PLEKHG7: variants seen among roughly 807,000 people sequenced by gnomAD.
PLEKHG7 encodes the protein pleckstrin homology and RhoGEF domain containing G7.
A neutral mutation model predicts 85.2 loss-of-function variants in PLEKHG7; 77 were observed. The observed-to-expected ratio is 0.90, with a 90% CI of 0.75 to 1.09. The LOEUF is 1.09. Ranked by LOEUF, PLEKHG7 falls within the 50% of genes least tolerant of loss-of-function variation. The probability of loss-of-function intolerance (pLI) is 0.00; values close to 1 mark genes in which losing one functional copy is unlikely to be tolerated. For missense variants in PLEKHG7, 777 were observed against 804.3 expected (o/e 0.97, Z 0.41); for synonymous variants, 301 against 302.4 (o/e 1.00, Z 0.05).
intron 5 of PLEKHG7, among the ~76,000 whole-genome samples, chr12:92,736,003 T>G (rs1342480231): frequency 6.6e-6 from 1 of 152,198 alleles, no homozygotes; most frequent in Non-Finnish European, 1.5e-5. Flanking sequence ...TCTGGTATTC[T>G]GTAGCAGAGA....
chr12:92,742,674 C>T (rs1383977980), intron 9 of PLEKHG7, among the ~76,000 whole-genome samples: 1 of 151,630 alleles, frequency 6.6e-6, no homozygotes, highest in Non-Finnish European at 1.5e-5. Flanking sequence ...CAACCTCCAC[C>T]TCCCAGGTTC....
chr12:92,769,884 C>T (rs1873351323), intron 16 of PLEKHG7, among the ~76,000 whole-genome samples: 3 of 152,096 alleles, frequency 2.0e-5, no homozygotes, highest in Non-Finnish European at 4.4e-5. Flanking sequence ...ACTCATTTAG[C>T]CCATCTGCAT....
At chr12:92,749,138 G>A (rs1872616965) in intron 10 of PLEKHG7, among the ~76,000 whole-genome samples, 1 of 152,104 alleles carries the variant, frequency 6.6e-6, no homozygotes, top group African/African-American at 2.4e-5. Flanking sequence ...CATGTTATGG[G>A]CTGCCTGAAA....
chr12:92,738,146 T>A (rs1872233789), intron 7 of PLEKHG7, among the ~76,000 whole-genome samples: 2 of 152,144 alleles, frequency 1.3e-5, no homozygotes, highest in African/African-American at 4.8e-5. Context: ...CACATGCAAT[T>A]TAGTACTGTT....
intron 3 of PLEKHG7, among the ~76,000 whole-genome samples, chr12:92,719,443 A>G (rs1871576098): frequency 6.6e-6 from 1 of 152,192 alleles, no homozygotes; most frequent in Non-Finnish European, 1.5e-5. Context: ...AAAAGACTAC[A>G]TTTACCATGA....
At chr12:92,750,547 C>T (rs2136616782) in intron 10 of PLEKHG7, among the ~76,000 whole-genome samples, 1 of 152,332 alleles carries the variant, frequency 6.6e-6, no homozygotes, top group South Asian at 2.1e-4. Context: ...CTGTTCCCCA[C>T]AGCAGGGCAA....
At position 92,764,095 on chromosome 12, in the gene PLEKHG7, C is replaced by A. The variant is rs75183020; in HGVS notation, c.1771C>A (p.Gln591Lys). 197 of 1,612,968 alleles carry A rather than the reference C, an allele frequency of 1.2e-4. 2 individuals carry two copies. The African/African-American group carries it at 2.3e-3, about 19-fold the overall frequency. The change falls in exon 15 of 17, where the codon CAA becomes AAA. Residue 591 changes from glutamine (Q) to lysine (K), a missense_variant. Around this residue, in one of 3 missense-constraint regions of PLEKHG7, gnomAD observed 520 missense variants for 544.0 expected, o/e 0.96. Coordinates refer to ENST00000344636, the MANE Select transcript of PLEKHG7 (RefSeq NM_001377329.1). ...GTGTCCTTCTCTTACTCCTGAGTTGCAAGCAGTAATAAAAGAGGGTGGTTC... is the reference window on the plus strand; with the variant it reads ...GTGTCCTTCTCTTACTCCTGAGTTGAAAGCAGTAATAAAAGAGGGTGGTTC... ...LMCPSLTPEL[Q>K]AVIKEGGSCT...
At chr12:92,725,705 G>T (rs528991105) in intron 3 of PLEKHG7, among the ~76,000 whole-genome samples, 1 of 152,012 alleles carries the variant, frequency 6.6e-6, no homozygotes, top group African/African-American at 2.4e-5. Flanking sequence ...AAAAATTATG[G>T]GATATAAGTT....
At chr12:92,717,814 G>A (rs1281555667) in intron 3 of PLEKHG7, among the ~76,000 whole-genome samples, 1 of 152,194 alleles carries the variant, frequency 6.6e-6, no homozygotes, top group African/African-American at 2.4e-5. Flanking sequence ...AAAATTGCCT[G>A]AGGATGCATT....
chr12:92,726,717 G>A (rs929657933), intron 3 of PLEKHG7, among the ~76,000 whole-genome samples: 1 of 152,084 alleles, frequency 6.6e-6, no homozygotes, highest in African/African-American at 2.4e-5. Flanking sequence ...TTTATTTTGT[G>A]AACATCCTAC....
intron 13 of PLEKHG7, among the ~76,000 whole-genome samples, chr12:92,757,064 C>T (rs1426619353): frequency 1.3e-5 from 2 of 152,172 alleles, no homozygotes; most frequent in African/African-American, 4.8e-5. Flanking sequence ...GCAGAAGCCC[C>T]TGGAGAAACT....
Position 92,769,026 on chromosome 12 carries a change from A to G in PLEKHG7, c.1914A>G (p.Arg638=), listed in dbSNP as rs147060979. The change falls in exon 16 of 17, where the codon AGA becomes AGG. Residue 638 remains arginine, a synonymous_variant. Transcript: ENST00000344636. ...CTTTTCTTATACAACACGAAAACAG[A>G]TATCGACAGTGTATAGCAGCATTCT... The part of the protein sequence containing the change: ...RNAFLIQHEN[R]YRQCIAAFLL... 83 of 1,605,130 alleles carry G rather than the reference A, an allele frequency of 5.2e-5. No homozygotes were observed. The highest frequency in any genetic ancestry group is 6.6e-5 in the Non-Finnish European group (78 of 1,173,470).
intron 5 of PLEKHG7, among the ~76,000 whole-genome samples, chr12:92,732,996 T>G (rs1377849596): frequency 2.6e-5 from 4 of 152,218 alleles, no homozygotes; most frequent in Non-Finnish European, 5.9e-5. Context: ...CCTTATGGAC[T>G]GTTACTATGC....
At chr12:92,721,343 G>A (rs1230935245) in intron 3 of PLEKHG7, 4 of 701,172 alleles carry the variant, frequency 5.7e-6, no homozygotes, top group Non-Finnish European at 7.9e-6. Context: ...CAGTGGGGTT[G>A]GGGGGGAATT....
chr12:92,708,931 T>C (rs534983233), intron 3 of PLEKHG7, among the ~76,000 whole-genome samples: 3 of 152,276 alleles, frequency 2.0e-5, no homozygotes, highest in African/African-American at 7.2e-5. Flanking sequence ...AAATCTTCCA[T>C]ACATGTGAAA....
At chr12:92,738,513 G>T (rs1469303269) in intron 7 of PLEKHG7, among the ~76,000 whole-genome samples, 1 of 152,204 alleles carries the variant, frequency 6.6e-6, no homozygotes, top group East Asian at 1.9e-4. Flanking sequence ...CTGCAGAGGT[G>T]CAGACAGTAA....
chr12:92,761,100 T>C (rs1872977034), intron 13 of PLEKHG7, among the ~76,000 whole-genome samples: 1 of 152,244 alleles, frequency 6.6e-6, no homozygotes, highest in Admixed American at 6.5e-5. Flanking sequence ...CCTTATCACT[T>C]CATTTTACCC....
intron 3 of PLEKHG7, among the ~76,000 whole-genome samples, chr12:92,724,310 AT>A (rs1241090217): frequency 6.6e-6 from 1 of 152,204 alleles, no homozygotes; most frequent in East Asian, 1.9e-4. Context: ...CTCCCACCTA[AT>A]TCAGTTCCCT....
chr12:92,762,943 C>T (rs374937352), intron 14 of PLEKHG7, among the ~76,000 whole-genome samples: 12 of 152,186 alleles, frequency 7.9e-5, no homozygotes, highest in Admixed American at 1.3e-4. Context: ...GTCATAGTTT[C>T]GGAATTTGTA....
Sources: gnomAD v4.1 joint callset for allele counts (sites outside exome capture counted in the v4.1 genomes callset) on GRCh38, gnomAD v4.1.1 for gene constraint, gnomAD v4.1.1 regional missense constraint, MANE v1.5 for transcripts, NCBI Gene and HGNC (gene_info 2026-07-23, HGNC 2026-07-21) for gene names.